Variants in NKAIN2 observed in about 807,000 individuals in gnomAD.
The protein encoded by NKAIN2 is sodium/potassium-transporting ATPase subunit beta-1-interacting protein 2.
Under a neutral mutation model 32.6 loss-of-function variants are expected in NKAIN2, and 14 were observed. The ratio of observed to expected loss-of-function variants is 0.43; its 90% CI spans 0.28 to 0.67. The LOEUF is 0.67. NKAIN2 is among the 30% of genes least tolerant of loss of function. The pLI is 0.17. For missense variants in NKAIN2, 198 were observed against 258.3 expected, an observed-to-expected ratio of 0.77 and a Z score of 1.60; for synonymous variants, 80 against 87.2, an observed-to-expected ratio of 0.92 and a Z score of 0.46.
Position 124,823,268 on chromosome 6 carries a change from A to G in NKAIN2, c.*39A>G, listed in dbSNP as rs764073051. 6.5e-7 allele frequency: 1 copy of G among 1,532,760 alleles called. No homozygotes were observed. Among genetic ancestry groups the G allele is most frequent in the South Asian group, 1.1e-5 (1 of 89,508 alleles). The allele number at this position is 1,532,760 out of a possible 1,614,324, so 94.9% of individuals were successfully genotyped here. A position where few individuals can be genotyped will look rare whatever the true frequency, so the allele number is the denominator to read the frequency against. On this transcript the variant is annotated 3_prime_UTR_variant, in exon 7 of 7. Transcript: ENST00000368417. ...AGTATGTCAGCCCATGGACCTTTCAAAGAACTTTTTTCGCAGTGGCCTCCT... is the reference window on the plus strand; with the variant it reads ...AGTATGTCAGCCCATGGACCTTTCAGAGAACTTTTTTCGCAGTGGCCTCCT...
chr6:124,127,866 T>A (rs1266374731), intron 1 of NKAIN2, among the ~76,000 whole-genome samples: 1 of 152,048 alleles, frequency 6.6e-6, no homozygotes, highest in Non-Finnish European at 1.5e-5. Flanking sequence ...TTGCTCTTGT[T>A]GCCCAGGCTG....
intron 1 of NKAIN2, among the ~76,000 whole-genome samples, chr6:123,945,103 A>G (rs919706718): frequency 2.6e-5 from 4 of 152,134 alleles, no homozygotes; most frequent in South Asian, 2.1e-4. Context: ...GAAGATGATA[A>G]GGCACTCACA....
chr6:124,215,049 A>G (rs1791395296), intron 1 of NKAIN2, among the ~76,000 whole-genome samples: 1 of 152,176 alleles, frequency 6.6e-6, no homozygotes, highest in East Asian at 1.9e-4. Flanking sequence ...ATAAATCAGA[A>G]CTGAGGAAAA....
chr6:123,930,542 C>T (rs1458643224), intron 1 of NKAIN2, among the ~76,000 whole-genome samples: 6 of 152,048 alleles, frequency 3.9e-5, no homozygotes, highest in Non-Finnish European at 8.8e-5. Flanking sequence ...GAAAAATCAC[C>T]TTTAAATATG....
intron 2 of NKAIN2, among the ~76,000 whole-genome samples, chr6:124,316,817 G>T (rs1388182595): frequency 6.6e-6 from 1 of 152,092 alleles, no homozygotes; most frequent in Non-Finnish European, 1.5e-5. Context: ...GACTGGGAAA[G>T]CATCATTATA....
chr6:123,894,414 A>G (rs943207001), intron 1 of NKAIN2, among the ~76,000 whole-genome samples: 2 of 152,218 alleles, frequency 1.3e-5, no homozygotes, highest in Non-Finnish European at 2.9e-5. Flanking sequence ...GTTGATAGAG[A>G]AACAGAGGAA....
At chr6:124,595,727 C>T (rs531871989) in intron 3 of NKAIN2, among the ~76,000 whole-genome samples, 2 of 152,244 alleles carry the variant, frequency 1.3e-5, no homozygotes, top group South Asian at 2.1e-4. Context: ...GGTAATAGAA[C>T]ATTGTGAATT....
chr6:124,056,932 T>G (rs1023883117), intron 1 of NKAIN2, among the ~76,000 whole-genome samples: 1 of 152,060 alleles, frequency 6.6e-6, no homozygotes, highest in Non-Finnish European at 1.5e-5. Context: ...GAAACTGTTA[T>G]GGCTTTGTCT....
intron 4 of NKAIN2, among the ~76,000 whole-genome samples, chr6:124,684,132 A>G (rs1773753474): frequency 6.6e-6 from 1 of 152,222 alleles, no homozygotes; most frequent in Non-Finnish European, 1.5e-5. Flanking sequence ...TACCAATTCC[A>G]TAACATTGGT....
intron 1 of NKAIN2, among the ~76,000 whole-genome samples, chr6:123,912,472 A>G (rs1582765966): frequency 6.6e-6 from 1 of 152,242 alleles, no homozygotes; most frequent in East Asian, 1.9e-4. Flanking sequence ...GCTTTACTTC[A>G]AATTAGGTGT....
chr6:124,407,520 T>A (rs1188943348), intron 3 of NKAIN2, among the ~76,000 whole-genome samples: 3 of 152,270 alleles, frequency 2.0e-5, no homozygotes, highest in Non-Finnish European at 4.4e-5. Context: ...GCAAAGGACA[T>A]GAACTCATCA....
At chr6:124,284,969 C>T (rs1026371848) in intron 2 of NKAIN2, among the ~76,000 whole-genome samples, 2 of 152,012 alleles carry the variant, frequency 1.3e-5, no homozygotes, top group South Asian at 2.1e-4. Flanking sequence ...TGAATAAAGA[C>T]GTACCACAGA....
chr6:124,461,332 G>T (rs1262547944), intron 3 of NKAIN2, among the ~76,000 whole-genome samples: 1 of 151,398 alleles, frequency 6.6e-6, no homozygotes, highest in African/African-American at 2.4e-5. Flanking sequence ...TGCACAGAAA[G>T]ACTGATTTCT....
chr6:124,444,804 A>G (rs958317801), intron 3 of NKAIN2, among the ~76,000 whole-genome samples: 3 of 151,976 alleles, frequency 2.0e-5, no homozygotes, highest in African/African-American at 7.2e-5. Context: ...GAAATGTCTG[A>G]TTCAAGGAGC....
At chr6:124,288,296 C>A (rs777799129) in intron 2 of NKAIN2, among the ~76,000 whole-genome samples, 1 of 152,168 alleles carries the variant, frequency 6.6e-6, no homozygotes, top group East Asian at 1.9e-4. Flanking sequence ...CAGTGAACTG[C>A]CTCTTAGAGG....
intron 2 of NKAIN2, among the ~76,000 whole-genome samples, chr6:124,307,089 TAGAGGACCTCTACA>T: frequency 6.6e-6 from 1 of 152,154 alleles, no homozygotes; most frequent in East Asian, 1.9e-4. Flanking sequence ...AGGTCTAACA[TAGAGGACCTCTACA>T]AGAAAATTGT....
intron 3 of NKAIN2, among the ~76,000 whole-genome samples, chr6:124,471,749 C>T (rs1776983386): frequency 6.6e-6 from 1 of 152,042 alleles, no homozygotes; most frequent in Non-Finnish European, 1.5e-5. Flanking sequence ...TAATTAAGTA[C>T]ATTTAGACCT....
intron 2 of NKAIN2, among the ~76,000 whole-genome samples, chr6:124,347,474 A>G (rs879236142): frequency 6.6e-6 from 1 of 152,308 alleles, no homozygotes; most frequent in African/African-American, 2.4e-5. Context: ...AGGTACACCA[A>G]TCAGACACAG....
chr6:124,156,124 A>T (rs574505393), intron 1 of NKAIN2, among the ~76,000 whole-genome samples: 2 of 152,136 alleles, frequency 1.3e-5, no homozygotes, highest in South Asian at 4.2e-4. Context: ...TCTAATTGGG[A>T]GAAATGTTTG....
Sources: allele counts gnomAD v4.1 joint callset (sites outside exome capture counted in the v4.1 genomes callset), GRCh38; gene constraint gnomAD v4.1.1; transcripts MANE v1.5; gene names NCBI Gene and HGNC (gene_info 2026-07-23, HGNC 2026-07-21).